The following FAM229B variants were observed in gnomAD, a reference collection of about 807,000 sequenced individuals.
FAM229B encodes the protein family with sequence similarity 229 member B.
FAM229B carries 2 observed loss-of-function variants against 6.7 expected under a neutral mutation model. The ratio of observed to expected loss-of-function variants is 0.30; its 90% CI spans 0.12 to 0.94. The LOEUF (loss-of-function observed/expected upper bound fraction) is 0.94. FAM229B is among the 40% of genes least tolerant of loss of function. FAM229B has a pLI of 0.54. For missense variants in FAM229B, 93 were observed against 96.2 expected (o/e 0.97, Z 0.14); for synonymous variants, 29 against 34.0 (o/e 0.85, Z 0.51).
intron 1 of FAM229B, among the ~76,000 whole-genome samples, chr6:112,091,414 A>G (rs1487268458): frequency 1.3e-5 from 2 of 152,190 alleles, no homozygotes; most frequent in Non-Finnish European, 2.9e-5. Flanking sequence ...GGGTTCACAT[A>G]GGGCTAGGAC....
At chr6:112,093,820 C>G (rs1777288068) in intron 1 of FAM229B, among the ~76,000 whole-genome samples, 1 of 151,666 alleles carries the variant, frequency 6.6e-6, no homozygotes, top group South Asian at 2.1e-4. Context: ...TATATTCTGG[C>G]TATAAAAACA....
chr6:112,089,765 T>C (rs1777233425), intron 1 of FAM229B, among the ~76,000 whole-genome samples: 1 of 151,672 alleles, frequency 6.6e-6, no homozygotes, highest in African/African-American at 2.4e-5. Context: ...CCCAGAGATA[T>C]GAAAGTTATT....
At chr6:112,092,328 A>G (rs1777268664) in intron 1 of FAM229B, among the ~76,000 whole-genome samples, 1 of 152,114 alleles carries the variant, frequency 6.6e-6, no homozygotes, top group South Asian at 2.1e-4. Context: ...AAGACATATT[A>G]CATATAGAGG....
At chr6:112,092,691 C>T (rs1400832309) in intron 1 of FAM229B, among the ~76,000 whole-genome samples, 5 of 151,842 alleles carry the variant, frequency 3.3e-5, no homozygotes, top group Non-Finnish European at 7.4e-5. Flanking sequence ...AAATGTATAA[C>T]GACATGCATG....
At chr6:112,097,561 CTGAAAACATTGTGTACTAATAGT>C (rs1554318791) in intron 2 of FAM229B, among the ~76,000 whole-genome samples, 55 of 147,050 alleles carry the variant, frequency 3.7e-4, no homozygotes, top group South Asian at 8.7e-4. Context: ...GTACTAATAG[CTGAAAACATTGTGTACTAATAGT>C]TGAAAACATT....
At chr6:112,097,802 T>TTAAAA (rs1554318825) in intron 2 of FAM229B, among the ~76,000 whole-genome samples, 2 of 152,242 alleles carry the variant, frequency 1.3e-5, no homozygotes, top group African/African-American at 4.8e-5. Flanking sequence ...GGTAGAGCTA[T>TTAAAA]TAAATGTCCA....
chr6:112,100,579 C>T (rs968345758), intron 3 of FAM229B, 91 bp from the exon 4 acceptor site: 114 of 801,344 alleles, frequency 1.4e-4, no homozygotes, highest in Non-Finnish European at 2.1e-5. Flanking sequence ...TGATTTAAAA[C>T]AGTTAAATAT....
intron 1 of FAM229B, among the ~76,000 whole-genome samples, chr6:112,091,617 C>A (rs587773360): frequency 3.9e-4 from 60 of 152,078 alleles, no homozygotes; most frequent in African/African-American, 1.4e-3. Context: ...TGTCCCAGAA[C>A]AAAACTTAAA....
intron 1 of FAM229B, among the ~76,000 whole-genome samples, chr6:112,090,145 G>C (rs117187461): frequency 1.3e-5 from 2 of 152,334 alleles, no homozygotes; most frequent in African/African-American, 4.8e-5. Flanking sequence ...AAATGTTTTA[G>C]AAGAAAATTA....
chr6:112,097,898 A>G (rs1349670742), intron 2 of FAM229B, among the ~76,000 whole-genome samples: 1 of 152,224 alleles, frequency 6.6e-6, no homozygotes, highest in Non-Finnish European at 1.5e-5. Context: ...AAACATTTAC[A>G]AAAAATGAGG....
chr6:112,090,709 C>A (rs1032313394), intron 1 of FAM229B, among the ~76,000 whole-genome samples: 31 of 151,572 alleles, frequency 2.0e-4, no homozygotes, highest in Admixed American at 6.6e-5. Flanking sequence ...ATTATTTGGT[C>A]CATTTTTGAT....
At chr6:112,098,831 A>G (rs906310789) in intron 2 of FAM229B, among the ~76,000 whole-genome samples, 9 of 152,244 alleles carry the variant, frequency 5.9e-5, no homozygotes, top group Non-Finnish European at 1.0e-4. Context: ...TATGTTAACC[A>G]TAGAGTATTT....
At chr6:112,091,029 A>G (rs1554318142) in intron 1 of FAM229B, among the ~76,000 whole-genome samples, 1 of 150,858 alleles carries the variant, frequency 6.6e-6, no homozygotes, top group African/African-American at 2.4e-5. Flanking sequence ...CAGCTTTGCT[A>G]CCCTCTGGTA....
chr6:112,099,742 A>G (rs1554319046), intron 3 of FAM229B, among the ~76,000 whole-genome samples: 1 of 152,250 alleles, frequency 6.6e-6, no homozygotes, highest in East Asian at 1.9e-4. Flanking sequence ...TTAAACAAAC[A>G]AAACTTCAGT....
chr6:112,097,386 T>C (rs1287714129), intron 2 of FAM229B, among the ~76,000 whole-genome samples, 185 bp downstream of exon 2: 1 of 152,252 alleles, frequency 6.6e-6, no homozygotes, highest in Non-Finnish European at 1.5e-5. Context: ...AATTTAGTTT[T>C]ATTATTAACA....
chr6:112,094,602 A>G (rs1391352569), intron 1 of FAM229B, among the ~76,000 whole-genome samples: 1 of 152,142 alleles, frequency 6.6e-6, no homozygotes, highest in Non-Finnish European at 1.5e-5. Flanking sequence ...GTAACCTACA[A>G]ACTCTACCAC....
At chr6:112,098,270 A>G (rs781827289) in intron 2 of FAM229B, among the ~76,000 whole-genome samples, 1 of 152,236 alleles carries the variant, frequency 6.6e-6, no homozygotes, top group Non-Finnish European at 1.5e-5. Context: ...TGCATTGGCC[A>G]TAGCAAGTGA....
intron 3 of FAM229B, among the ~76,000 whole-genome samples, chr6:112,099,840 AT>A (rs1351882712): frequency 6.6e-6 from 1 of 152,244 alleles, no homozygotes; most frequent in African/African-American, 2.4e-5. Flanking sequence ...TTTGGCTTTG[AT>A]TAGTATCACT....
intron 1 of FAM229B, among the ~76,000 whole-genome samples, chr6:112,089,830 C>T (rs7741078): frequency 0.042 from 6,324 of 151,522 alleles, 438 homozygotes; most frequent in African/African-American, 0.14. Flanking sequence ...TTAACATGTG[C>T]CCACAGCAAA....
Sources: allele counts gnomAD v4.1 joint callset (sites outside exome capture counted in the v4.1 genomes callset), GRCh38; gene constraint gnomAD v4.1.1; transcripts MANE v1.5; gene names NCBI Gene and HGNC (gene_info 2026-07-23, HGNC 2026-07-21).